The following DCHS2 variants were observed in gnomAD, a reference collection of about 807,000 sequenced individuals.
DCHS2 encodes protocadherin-23.
In DCHS2, 142 loss-of-function variants were observed where a neutral mutation model predicts 182.4. The ratio of observed to expected loss-of-function variants is 0.78; its 90% CI spans 0.68 to 0.89. DCHS2 has a LOEUF of 0.89. Among genes scored for constraint, DCHS2 ranks in the 40% least tolerant of loss-of-function variants. DCHS2 has a pLI of 0.00. For synonymous variants in DCHS2, 1,740 were observed against 1,663.3 expected (o/e 1.05, Z -1.12); for missense variants, 4,319 against 4,198.6 (o/e 1.03, Z -0.79).
chr4:154,379,269 A>G (rs1731061837), intron 1 of DCHS2, among the ~76,000 whole-genome samples: 1 of 152,192 alleles, frequency 6.6e-6, no homozygotes, highest in Non-Finnish European at 1.5e-5. Flanking sequence ...AGAGAGATGG[A>G]AGAGGCATTC....
At chr4:154,336,317 A>T (rs1728806967) in intron 3 of DCHS2, among the ~76,000 whole-genome samples, 1 of 152,232 alleles carries the variant, frequency 6.6e-6, no homozygotes, top group Non-Finnish European at 1.5e-5. Flanking sequence ...TTAGTGTACT[A>T]GTTTAAAAAC....
At chr4:154,331,731 C>G (rs192871909) in intron 5 of DCHS2, 1 of 1,605,698 alleles carries the variant, frequency 6.2e-7, no homozygotes, top group South Asian at 1.1e-5. Context: ...AAAAAGGGAG[C>G]TTCTTCTCAT....
intron 1 of DCHS2, among the ~76,000 whole-genome samples, chr4:154,454,666 C>A (rs1215702901): frequency 6.6e-6 from 1 of 152,078 alleles, no homozygotes; most frequent in African/African-American, 2.4e-5. Flanking sequence ...TTAGTCTTTC[C>A]AAGTTCTTCT....
rs200535643 is a variant in DCHS2, at chr4:154,304,767, A to G, written c.5507T>C (p.Ile1836Thr). 1.2e-5 allele frequency: 19 copies of G among 1,614,072 alleles called. No homozygotes were observed. The highest frequency in any genetic ancestry group is 6.7e-5 in the African/African-American group (5 of 75,054). ...APEFIVSSYD[I>T]EVLENQEPEV... ...TGGTTCCTGGTTTTCCAGAACCTCA[A>G]TGTCATAACTGGAAACAATAAACTC... The change falls in exon 12 of 20, where the codon ATT becomes ACT. Residue 1836 changes from isoleucine to threonine, a missense_variant. Transcript: ENST00000357232.
chr4:154,331,615 A>G, intron 5 of DCHS2: 4 of 1,613,604 alleles, frequency 2.5e-6, no homozygotes, highest in Non-Finnish European at 2.5e-6. Flanking sequence ...AGACTTGAGA[A>G]CAAAGGCTTG....
At chr4:154,355,582 G>A (rs1233318345) in intron 3 of DCHS2, 4 of 152,014 alleles carry the variant, frequency 2.6e-5, no homozygotes, top group African/African-American at 7.2e-5. Flanking sequence ...TTACTCTATG[G>A]ACTTACCCTG....
intron 3 of DCHS2, among the ~76,000 whole-genome samples, chr4:154,335,767 C>T (rs1038089399): frequency 6.6e-6 from 1 of 152,118 alleles, no homozygotes; most frequent in African/African-American, 2.4e-5. Flanking sequence ...TGCATATTTG[C>T]AAAACAATGT....
chr4:154,338,442 C>T (rs914019251), intron 3 of DCHS2, among the ~76,000 whole-genome samples: 2 of 152,056 alleles, frequency 1.3e-5, no homozygotes, highest in African/African-American at 4.8e-5. Context: ...AATGAAAATA[C>T]AAAATTAAAA....
chr4:154,397,232 C>T (rs1731968901), intron 1 of DCHS2, among the ~76,000 whole-genome samples: 1 of 152,176 alleles, frequency 6.6e-6, no homozygotes, highest in African/African-American at 2.4e-5. Context: ...ATTTATCAGG[C>T]TAAACAGATT....
At chr4:154,465,349 G>A (rs1735195853) in intron 1 of DCHS2, among the ~76,000 whole-genome samples, 1 of 152,216 alleles carries the variant, frequency 6.6e-6, no homozygotes, top group East Asian at 1.9e-4. Flanking sequence ...ACAAGAGGGA[G>A]TCCAATATGG....
At chr4:154,462,066 C>T (rs1261699225) in intron 1 of DCHS2, among the ~76,000 whole-genome samples, 1 of 152,136 alleles carries the variant, frequency 6.6e-6, no homozygotes, top group Non-Finnish European at 1.5e-5. Flanking sequence ...ACCTCACCCG[C>T]CCCACTCCCA....
intron 3 of DCHS2, among the ~76,000 whole-genome samples, chr4:154,346,093 G>A (rs532667031): frequency 2.6e-5 from 4 of 152,192 alleles, no homozygotes; most frequent in East Asian, 1.9e-4. Context: ...ATTGTGGAGC[G>A]CCACCATTAT....
At chr4:154,272,370 G>C (rs1414054864) in intron 13 of DCHS2, 1 of 152,096 alleles carries the variant, frequency 6.6e-6, no homozygotes, top group African/African-American at 2.4e-5. Context: ...AACAACATAT[G>C]AGAATGGCAG....
intron 13 of DCHS2, among the ~76,000 whole-genome samples, chr4:154,277,604 AT>A (rs946077170): frequency 7.1e-6 from 1 of 141,636 alleles, no homozygotes; most frequent in Admixed American, 7.2e-5. Flanking sequence ...AGAGGTGGTG[AT>A]TTTTTTCAAA....
At chr4:154,305,633 T>C (rs1474451795) in intron 10 of DCHS2, among the ~76,000 whole-genome samples, 1 of 152,208 alleles carries the variant, frequency 6.6e-6, no homozygotes, top group African/African-American at 2.4e-5. Flanking sequence ...TAAAAGCCCG[T>C]GCTAAGTTAT....
Position 154,236,390 on chromosome 4 carries a change from A to C in DCHS2, c.8262T>G (p.Val2754=). 1.2e-6 allele frequency: 2 copies of C among 1,614,102 alleles called. No individual in the cohort carries two copies. The highest frequency in any genetic ancestry group is 1.7e-6 in the Non-Finnish European group (2 of 1,179,972). The change falls in exon 20 of 20, where the codon GTT becomes GTG. Residue 2754 remains valine, a synonymous_variant. Coordinates refer to ENST00000357232, the MANE Select transcript of DCHS2 (RefSeq NM_001358235.2). The stretch of plus-strand genomic sequence containing the variant: ...TATCATCCAGGACACTGACAAACAC[A>C]ACTGCAAAAGAAAAATGTTTCTTTT... ...DAEKKHFSFA[V]VFVSVLDDND...
chr4:154,433,456 G>A (rs985254825), intron 1 of DCHS2, among the ~76,000 whole-genome samples: 37 of 138,226 alleles, frequency 2.7e-4, no homozygotes, highest in African/African-American at 5.5e-4. Flanking sequence ...GTGCAGTGGC[G>A]TGATCTCCGC....
intron 5 of DCHS2, among the ~76,000 whole-genome samples, chr4:154,330,934 G>A (rs1052676322): frequency 6.6e-6 from 1 of 152,256 alleles, no homozygotes; most frequent in Admixed American, 6.5e-5. Flanking sequence ...AAATCTGATG[G>A]ATAAGCAGCA....
chr4:154,452,208 G>A lies in DCHS2; in HGVS notation c.2052+37096C>T, dbSNP rs926119112. On this transcript the variant is annotated intron_variant, in intron 1 of 19. Transcript: ENST00000357232. Reference sequence around the variant, plus strand: ...TATAGTTCCACACAATTTCTACACAGAATGGAAAGAATATATTTGTTTATT... The same window carrying A: ...TATAGTTCCACACAATTTCTACACAAAATGGAAAGAATATATTTGTTTATT... 1.1e-4 allele frequency among the ~76,000 whole-genome samples: 16 copies of A among 152,272 alleles called. No homozygotes were observed. In the East Asian group the frequency reaches 2.9e-3, roughly 28 times the overall value.
Sources: allele counts gnomAD v4.1 joint callset (sites outside exome capture counted in the v4.1 genomes callset), GRCh38; gene constraint gnomAD v4.1.1; transcripts MANE v1.5; gene names NCBI Gene and HGNC (gene_info 2026-07-23, HGNC 2026-07-21).